Variants in CPAP observed in about 807,000 individuals in gnomAD.
CPAP encodes centrosomal P4.1-associated protein.
chr13:24,883,882 C>T, the CPAP span: 16 of 1,550,672 alleles, frequency 1.0e-5, no homozygotes, highest in East Asian at 6.7e-5. Context: ...TCATCAGAAA[C>T]GCAAGGCTGG....
chr13:24,906,111 T>TGTG, the CPAP span: 1 of 1,613,098 alleles, frequency 6.2e-7, no homozygotes, highest in Non-Finnish European at 8.5e-7. Flanking sequence ...TCACGTGCAG[T>TGTG]GTGGTCCAAA....
chr13:24,912,770 A>T, the CPAP span: 1 of 1,614,220 alleles, frequency 6.2e-7, no homozygotes, highest in Non-Finnish European at 8.5e-7. Flanking sequence ...TGTGGTTTGT[A>T]AGGGTTGTTT....
chr13:24,913,376 C>T, the CPAP span, among the ~76,000 whole-genome samples: 1 of 151,958 alleles, frequency 6.6e-6, no homozygotes, highest in Non-Finnish European at 1.5e-5. Context: ...AGATAAAATA[C>T]CTTTTAAGTT....
chr13:24,895,915 CTGAA>C, the CPAP span, among the ~76,000 whole-genome samples: 5 of 152,224 alleles, frequency 3.3e-5, no homozygotes, highest in African/African-American at 7.2e-5. Context: ...AATAAATTTG[CTGAA>C]TGAATACCCA....
At chr13:24,908,433 T>C in the CPAP span, among the ~76,000 whole-genome samples, 541 of 5,080 alleles carry the variant, frequency 0.11, 17 homozygotes, top group East Asian at 0.4. Context: ...ACCCCGTCTC[T>C]ACAAAAAAAA....
At chr13:24,887,199 TACTA>T in the CPAP span, among the ~76,000 whole-genome samples, 7 of 152,256 alleles carry the variant, frequency 4.6e-5, no homozygotes, top group Non-Finnish European at 1.0e-4. Context: ...CATCAAAAGA[TACTA>T]TAAAGAGCAA....
At chr13:24,893,700 T>C in the CPAP span, among the ~76,000 whole-genome samples, 12 of 152,232 alleles carry the variant, frequency 7.9e-5, no homozygotes, top group Non-Finnish European at 1.8e-4. Flanking sequence ...TGAGACGGAT[T>C]ATGACCAATA....
chr13:24,906,217 G>C, the CPAP span: 1 of 1,611,338 alleles, frequency 6.2e-7, no homozygotes, highest in Admixed American at 1.7e-5. Context: ...GACCTTTGCA[G>C]ATCTGTTGAT....
the CPAP span, among the ~76,000 whole-genome samples, chr13:24,930,604 G>A: frequency 6.6e-6 from 1 of 152,124 alleles, no homozygotes; most frequent in Non-Finnish European, 1.5e-5. Context: ...TTAGAACAAT[G>A]GCCTCCAGTT....
chr13:24,882,453 G>C, the CPAP span: 2 of 150,894 alleles, frequency 1.3e-5, no homozygotes, highest in African/African-American at 4.9e-5. Context: ...CATCCTTCAG[G>C]GACATCTTGC....
chr13:24,915,741 G>T, the CPAP span, among the ~76,000 whole-genome samples: 1 of 152,190 alleles, frequency 6.6e-6, no homozygotes, highest in Non-Finnish European at 1.5e-5. Context: ...GGGGGTTGCA[G>T]TGAGCCGAGA....
At chr13:24,893,016 G>A in the CPAP span, 1 of 681,214 alleles carries the variant, frequency 1.5e-6, no homozygotes, top group Non-Finnish European at 2.5e-6. Flanking sequence ...GAATGTCGTG[G>A]TTTTCAGCGG....
At chr13:24,903,799 A>G in the CPAP span, 2 of 1,087,686 alleles carry the variant, frequency 1.8e-6, no homozygotes, top group Non-Finnish European at 2.8e-6. Context: ...TATATGATAC[A>G]GATTTCACCT....
At chr13:24,897,318 C>G in the CPAP span, among the ~76,000 whole-genome samples, 3 of 152,154 alleles carry the variant, frequency 2.0e-5, no homozygotes, top group Non-Finnish European at 4.4e-5. Context: ...ATGTACATAC[C>G]TTTAACCTCA....
chr13:24,897,097 C>A, the CPAP span, among the ~76,000 whole-genome samples: 10 of 152,110 alleles, frequency 6.6e-5, no homozygotes, highest in Non-Finnish European at 1.5e-4. Context: ...AATTAATTAG[C>A]CAGCCATGGT....
At chr13:24,884,241 T>C in the CPAP span, 1 of 1,614,122 alleles carries the variant, frequency 6.2e-7, no homozygotes, top group Non-Finnish European at 8.5e-7. Context: ...TGCATAGTAG[T>C]AGATCTGTAA....
chr13:24,924,394 T>C, the CPAP span, among the ~76,000 whole-genome samples: 89 of 152,194 alleles, frequency 5.8e-4, no homozygotes, highest in Non-Finnish European at 1.2e-3. Context: ...TAGTGCCACA[T>C]TGTTTGTTGA....
the CPAP span, chr13:24,885,680 T>A: frequency 2.5e-6 from 4 of 1,604,778 alleles, no homozygotes; most frequent in Non-Finnish European, 3.4e-6. Context: ...CCTATTAGAA[T>A]AAAATTGTCA....
chr13:24,907,703 C>T, the CPAP span, among the ~76,000 whole-genome samples: 1 of 152,034 alleles, frequency 6.6e-6, no homozygotes, highest in Non-Finnish European at 1.5e-5. Context: ...ATAAGTGACA[C>T]CAAATGGGAG....
Sources: allele counts gnomAD v4.1 joint callset (sites outside exome capture counted in the v4.1 genomes callset), GRCh38; gene constraint gnomAD v4.1.1; transcripts MANE v1.5; gene names NCBI Gene and HGNC (gene_info 2026-07-23, HGNC 2026-07-21).